ACSM2A: variants seen among roughly 807,000 people sequenced by gnomAD.
The protein encoded by ACSM2A is acyl-CoA synthetase medium chain family member 2A.
ACSM2A carries 72 observed loss-of-function variants against 76.6 expected under a neutral mutation model. That is an observed-to-expected ratio of 0.94 (90% CI 0.78 to 1.14). ACSM2A has a LOEUF of 1.14. ACSM2A is among the 50% of genes most tolerant of loss of function. The probability of loss-of-function intolerance (pLI) is 0.00; values close to 1 mark genes in which losing one functional copy is unlikely to be tolerated. For synonymous variants in ACSM2A, 249 were observed against 255.9 expected (o/e 0.97, Z 0.26); for missense variants, 684 against 708.5 (o/e 0.97, Z 0.39).
At chr16:20,465,829 G>C (rs2012962619) in intron 3 of ACSM2A, 102 bp downstream of exon 3, 4 of 1,497,576 alleles carry the variant, frequency 2.7e-6, no homozygotes. Context: ...CCTCCTTGGA[G>C]CATGCTGTCC....
chr16:20,464,176 G>T (rs1461056263), intron 2 of ACSM2A, among the ~76,000 whole-genome samples: 4 of 152,158 alleles, frequency 2.6e-5, no homozygotes, highest in East Asian at 1.9e-4. Flanking sequence ...TGCCTAAGAC[G>T]TTCCGAACTT....
chr16:20,482,164 A>AAAGAAAG (rs1567376553), intron 12 of ACSM2A: 2 of 145,300 alleles, frequency 1.4e-5, no homozygotes, highest in African/African-American at 5.3e-5. Context: ...AAGAAAGAAA[A>AAAGAAAG]AAAAAGAAAA....
At chr16:20,479,703 G>A (rs1027308362) in intron 10 of ACSM2A, among the ~76,000 whole-genome samples, 1 of 152,182 alleles carries the variant, frequency 6.6e-6, no homozygotes. Context: ...AAATGCCAGT[G>A]AAGTACTATG....
intron 2 of ACSM2A, among the ~76,000 whole-genome samples, chr16:20,461,897 G>A (rs2012646505): frequency 6.6e-6 from 1 of 152,140 alleles, no homozygotes; most frequent in South Asian, 2.1e-4. Context: ...AGAGACTAGG[G>A]TTTTCAAAGA....
chr16:20,463,042 T>A (rs1400010014), intron 2 of ACSM2A, among the ~76,000 whole-genome samples: 59 of 122,964 alleles, frequency 4.8e-4, no homozygotes, highest in South Asian at 2.4e-3. Context: ...TGAGAACACA[T>A]GGACACAGGA....
rs755350642 is a variant in ACSM2A, at chr16:20,478,653, T to C, written c.1257T>C (p.Pro419=). The change falls in exon 10 of 14, where the codon CCT becomes CCC. Residue 419 remains proline, a synonymous_variant. Coordinates refer to ENST00000573854, the MANE Select transcript of ACSM2A (RefSeq NM_001308172.2). ...GCATCAGGGTCAAACCCATCAGGCC[T>C]ATAGGCATCTTCTCTGGCTATGTGG... ...DIGIRVKPIR[P]IGIFSGYVDN... 6.2e-7 allele frequency: 1 copy of C among 1,613,410 alleles called. No homozygotes were observed. Among genetic ancestry groups the C allele is most frequent in the South Asian group, 1.1e-5 (1 of 90,972 alleles).
In ACSM2A at chr16:20,471,621, C is replaced by A. The variant is rs747409825; in HGVS notation, c.826C>A (p.Pro276Thr). The A allele has an allele frequency of 1.2e-5, 20 of 1,613,900 alleles. No homozygotes were observed. The Admixed American group carries it at 2.0e-4, about 16-fold the overall frequency. Residue 276 changes from proline (P) to threonine (T), a missense_variant, in exon 6 of 14, where the codon CCT becomes ACT. Pro to Thr is a conservative substitution (Grantham distance 38, BLOSUM62 -1). Around this residue, in one of 3 missense-constraint regions of ACSM2A, gnomAD observed 519 missense variants for 549.5 expected, o/e 0.94. Transcript: ENST00000573854. ...ILNILCSLMEPWALGACTFVH... is the reference protein window; with the variant it reads ...ILNILCSLMETWALGACTFVH... ...GAACATCTTGTGCTCACTTATGGAA[C>A]CTTGGGCATTAGGAGCATGCACATT...
chr16:20,480,940 C>G lies in ACSM2A; in HGVS notation c.1509+19C>G. The G allele has an allele frequency of 1.6e-5, 26 of 1,613,610 alleles. No individual in the cohort carries two copies. The highest frequency in any genetic ancestry group is 2.2e-5 in the Non-Finnish European group (26 of 1,179,774). On this transcript the variant is annotated intron_variant, in intron 12 of 13. Coordinates refer to ENST00000573854, the MANE Select transcript of ACSM2A (RefSeq NM_001308172.2). Reference sequence around the variant, plus strand: ...AGGAGAGGTGATGGGGAAGCAGTAGCCTGGGGGTGAACACATATGAACACA... The same window carrying G: ...AGGAGAGGTGATGGGGAAGCAGTAGGCTGGGGGTGAACACATATGAACACA...
At chr16:20,466,038 T>C (rs910237130) in intron 3 of ACSM2A, among the ~76,000 whole-genome samples, 15 of 152,178 alleles carry the variant, frequency 9.9e-5, no homozygotes, top group African/African-American at 2.7e-4. Flanking sequence ...ATGAGAATTC[T>C]ATTAAAATCT....
At chr16:20,471,444 C>T (rs1195705919) in intron 5 of ACSM2A, 92 bp from the exon 6 acceptor site, 6 of 1,521,926 alleles carry the variant, frequency 3.9e-6, no homozygotes, top group Non-Finnish European at 5.3e-6. Flanking sequence ...CCTCTGCACA[C>T]ACACCTCCCT....
At chr16:20,477,544 A>G (rs2013821601) in intron 9 of ACSM2A, 95 bp downstream of exon 9, 1 of 1,482,722 alleles carries the variant, frequency 6.7e-7, no homozygotes, top group Non-Finnish European at 9.0e-7. Flanking sequence ...AAAATAATAG[A>G]AAGTACTGAT....
intron 7 of ACSM2A, 90 bp from the exon 8 acceptor site, chr16:20,475,560 C>T (rs1192994425): frequency 1.2e-6 from 2 of 1,605,368 alleles, no homozygotes; most frequent in South Asian, 1.1e-5. Context: ...AAGCCATTTG[C>T]ATCATCAAAG....
chr16:20,476,073 G>A, intron 8 of ACSM2A: 1 of 1,051,424 alleles, frequency 9.5e-7, no homozygotes, highest in Non-Finnish European at 1.2e-6. Flanking sequence ...GATGACATGG[G>A]GTGAGAAGTT....
intron 1 of ACSM2A, among the ~76,000 whole-genome samples, chr16:20,455,006 T>C (rs535407271): frequency 6.7e-6 from 1 of 148,882 alleles, no homozygotes; most frequent in Non-Finnish European, 1.5e-5. Flanking sequence ...AAAAACACAC[T>C]GAAAAGCCTC....
Position 20,471,610 on chromosome 16 carries a change from C to T in ACSM2A, c.815C>T (p.Ser272Leu). 3.1e-6 allele frequency: 5 copies of T among 1,614,046 alleles called. No homozygotes were observed. The highest frequency in any genetic ancestry group is 3.4e-6 in the Non-Finnish European group (4 of 1,179,940). The change falls in exon 6 of 14, where the codon TCA (serine) becomes TTA (leucine). Residue 272 changes from serine to leucine, a missense_variant. Around this residue, in one of 3 missense-constraint regions of ACSM2A, gnomAD observed 519 missense variants for 549.5 expected, o/e 0.94. Coordinates refer to ENST00000573854, the MANE Select transcript of ACSM2A (RefSeq NM_001308172.2). ...GGTTGGATACTGAACATCTTGTGCT[C>T]ACTTATGGAACCTTGGGCATTAGGA... The part of the protein sequence containing the change: ...DTGWILNILC[S>L]LMEPWALGAC...
chr16:20,468,920 G>T (rs1485190249), intron 3 of ACSM2A, among the ~76,000 whole-genome samples: 2 of 152,124 alleles, frequency 1.3e-5, no homozygotes, highest in Non-Finnish European at 2.9e-5. Context: ...TTGAGGTGAT[G>T]GATATGTGAA....
intron 6 of ACSM2A, among the ~76,000 whole-genome samples, chr16:20,472,811 A>C (rs1480880830): frequency 6.6e-6 from 1 of 152,200 alleles, no homozygotes; most frequent in African/African-American, 2.4e-5. Flanking sequence ...CATGTATCAG[A>C]TGTTTGTTGT....
chr16:20,460,045 T>C, intron 1 of ACSM2A, 62 bp from the exon 2 acceptor site: 1 of 1,509,336 alleles, frequency 6.6e-7, no homozygotes, highest in Non-Finnish European at 8.9e-7. Flanking sequence ...CTGAAGCTGC[T>C]GATGATCAGT....
At chr16:20,475,473 C>G in intron 7 of ACSM2A, 32 bp downstream of exon 7, 1 of 1,612,800 alleles carries the variant, frequency 6.2e-7, no homozygotes, top group Non-Finnish European at 8.5e-7. Context: ...GTAAGAGAGT[C>G]TGGCCCCATC....
Sources: gnomAD v4.1 joint callset for allele counts (sites outside exome capture counted in the v4.1 genomes callset) on GRCh38, gnomAD v4.1.1 for gene constraint, gnomAD v4.1.1 regional missense constraint, MANE v1.5 for transcripts, NCBI Gene and HGNC (gene_info 2026-07-23, HGNC 2026-07-21) for gene names.